DIAPH2: variants seen among roughly 807,000 people sequenced by gnomAD.
DIAPH2 encodes diaphanous related formin 2.
In DIAPH2, 35 loss-of-function variants were observed where a neutral mutation model predicts 92.7. The observed-to-expected ratio is 0.38, with a 90% CI of 0.29 to 0.50. The LOEUF (loss-of-function observed/expected upper bound fraction) is 0.50, where lower values mean the gene tolerates loss of function less well. Among genes scored for constraint, DIAPH2 ranks in the 20% least tolerant of loss-of-function variants. The pLI, the probability that DIAPH2 is intolerant of heterozygous loss-of-function variation, is 0.94. For synonymous variants in DIAPH2, 301 were observed against 280.4 expected (o/e 1.07, Z -0.73); for missense variants, 701 against 819.5 (o/e 0.86, Z 1.77).
intron 25 of DIAPH2, among the ~76,000 whole-genome samples, chrX:97,389,488 G>A (rs920660333): frequency 3.8e-5 from 4 of 105,095 alleles, no homozygotes; most frequent in Non-Finnish European, 7.8e-5. Context: ...AAAAAAAAAG[G>A]AGCCTATCCA....
At chrX:97,113,985 G>A (rs1312721242) in intron 20 of DIAPH2, among the ~76,000 whole-genome samples, 2 of 111,594 alleles carry the variant, frequency 1.8e-5, no homozygotes, top group Admixed American at 1.9e-4. Context: ...TATTATCATA[G>A]TAACTATACC....
intron 26 of DIAPH2, among the ~76,000 whole-genome samples, chrX:97,592,152 A>G (rs2071521979): frequency 8.9e-6 from 1 of 112,207 alleles, no homozygotes; most frequent in Admixed American, 9.5e-5. Flanking sequence ...TTTAATGTGG[A>G]TACATTTTTA....
chrX:97,435,871 G>A (rs1269819954), intron 26 of DIAPH2, among the ~76,000 whole-genome samples: 1 of 102,345 alleles, frequency 9.8e-6, no homozygotes, highest in African/African-American at 3.6e-5. Flanking sequence ...GCGGTGGCGC[G>A]ATCTTGGCTC....
intron 17 of DIAPH2, among the ~76,000 whole-genome samples, chrX:97,030,471 G>A (rs2066365800): frequency 9.0e-6 from 1 of 111,253 alleles, no homozygotes. Flanking sequence ...AGTGCTAAAG[G>A]ATGATACAAA....
At chrX:96,909,882 G>A (rs2065458513) in intron 5 of DIAPH2, among the ~76,000 whole-genome samples, 1 of 110,112 alleles carries the variant, frequency 9.1e-6, no homozygotes, top group Non-Finnish European at 1.9e-5. Context: ...ATGTTCTTGT[G>A]AATCATGCTT....
At chrX:97,121,386 T>G (rs1407886141) in intron 21 of DIAPH2, among the ~76,000 whole-genome samples, 2 of 111,891 alleles carry the variant, frequency 1.8e-5, no homozygotes, top group East Asian at 5.6e-4. Context: ...GACATTTAAT[T>G]TACTGTTTTC....
chrX:97,307,838 G>T (rs1470262321), intron 23 of DIAPH2, among the ~76,000 whole-genome samples: 1 of 106,567 alleles, frequency 9.4e-6, no homozygotes, highest in Non-Finnish European at 1.9e-5. Flanking sequence ...AACCTGGGAG[G>T]CAGAGGTTGC....
chrX:97,223,649 T>C (rs944294608), intron 22 of DIAPH2, among the ~76,000 whole-genome samples: 3 of 111,627 alleles, frequency 2.7e-5, no homozygotes, highest in African/African-American at 9.7e-5. Context: ...TTCTAATTTC[T>C]AGGGCAATTG....
At position 97,425,100 on chromosome X, in the gene DIAPH2, A is replaced by T. The variant is rs552264042; in HGVS notation, c.3146-4550A>T. Among the ~76,000 whole-genome samples the T allele has an allele frequency of 5.8e-4, 65 of 112,248 alleles. No individual in the cohort carries two copies. The South Asian group carries it at 0.024, about 41-fold the overall frequency. On this transcript the variant is annotated intron_variant, in intron 25 of 26. Coordinates refer to ENST00000324765, the MANE Select transcript of DIAPH2 (RefSeq NM_006729.5). ...GTAATTTACATATATTTACTTTTCT[A>T]CATAGTCTTTATAATTATCATTTTT...
intron 23 of DIAPH2, among the ~76,000 whole-genome samples, chrX:97,292,866 C>G (rs1198579710): frequency 1.8e-5 from 2 of 111,270 alleles, no homozygotes; most frequent in African/African-American, 3.3e-5. Context: ...TATTTGGAAG[C>G]GGTCAGGATA....
intron 23 of DIAPH2, among the ~76,000 whole-genome samples, chrX:97,320,709 C>T (rs1382210311): frequency 4.8e-5 from 3 of 62,677 alleles, no homozygotes; most frequent in Non-Finnish European, 6.3e-5. Context: ...AGCGAGACTC[C>T]GTCTCAAAAA....
chrX:96,823,355 A>T (rs1163624679), intron 4 of DIAPH2, among the ~76,000 whole-genome samples: 1 of 111,661 alleles, frequency 9.0e-6, no homozygotes, highest in African/African-American at 3.2e-5. Context: ...AAGGAATTTT[A>T]AAATAATTGT....
At chrX:97,121,014 A>T (rs938266020) in intron 21 of DIAPH2, among the ~76,000 whole-genome samples, 25 of 112,419 alleles carry the variant, frequency 2.2e-4, no homozygotes, top group African/African-American at 7.7e-4. Flanking sequence ...AAAAGACCTT[A>T]GAAAAAAGTC....
chrX:96,922,478 A>G, intron 9 of DIAPH2, among the ~76,000 whole-genome samples: 1 of 111,059 alleles, frequency 9.0e-6, no homozygotes, highest in Non-Finnish European at 1.9e-5. Flanking sequence ...ATCTTCTCCC[A>G]CCAATATTAT....
At chrX:96,805,161 AT>A (rs1272423002) in intron 4 of DIAPH2, among the ~76,000 whole-genome samples, 2 of 109,160 alleles carry the variant, frequency 1.8e-5, no homozygotes, top group African/African-American at 6.7e-5. Context: ...GATTAAAAAA[AT>A]GTATGTATTC....
chrX:97,337,651 A>G (rs991492875), intron 23 of DIAPH2, among the ~76,000 whole-genome samples: 1 of 111,132 alleles, frequency 9.0e-6, no homozygotes, highest in African/African-American at 3.3e-5. Context: ...GAACAGACTA[A>G]TACATGGACG....
intron 23 of DIAPH2, among the ~76,000 whole-genome samples, chrX:97,305,821 C>A: frequency 1.2e-5 from 1 of 85,950 alleles, no homozygotes; most frequent in African/African-American, 5.0e-5. Context: ...GAGACTCCTT[C>A]TCCAAAAAAA....
intron 4 of DIAPH2, among the ~76,000 whole-genome samples, chrX:96,848,093 G>A (rs1326844051): frequency 9.1e-6 from 1 of 110,028 alleles, no homozygotes; most frequent in Non-Finnish European, 1.9e-5. Context: ...AGGTCAGAGT[G>A]CAATGGCGCA....
At chrX:97,146,568 A>G (rs2067249405) in intron 22 of DIAPH2, among the ~76,000 whole-genome samples, 1 of 111,257 alleles carries the variant, frequency 9.0e-6, no homozygotes, top group East Asian at 2.8e-4. Context: ...CATCAACATT[A>G]CTGGCAAAGG....
Sources: allele counts gnomAD v4.1 joint callset (sites outside exome capture counted in the v4.1 genomes callset), GRCh38; gene constraint gnomAD v4.1.1; transcripts MANE v1.5; gene names NCBI Gene and HGNC (gene_info 2026-07-23, HGNC 2026-07-21).